Variants in EIF4G2 observed in about 807,000 individuals in gnomAD.
EIF4G2 encodes the protein DAP-5.
EIF4G2 carries 8 observed loss-of-function variants against 117.7 expected under a neutral mutation model. The observed-to-expected ratio is 0.07, with a 90% confidence interval of 0.04 to 0.12. The LOEUF is 0.12. Among genes scored for constraint, EIF4G2 ranks in the 10% least tolerant of loss-of-function variants. The pLI, the probability that EIF4G2 is intolerant of heterozygous loss-of-function variation, is 1.00. For synonymous variants in EIF4G2, 413 were observed against 367.8 expected, an observed-to-expected ratio of 1.12 and a Z score of -1.41; for missense variants, 812 against 1,086.2, an observed-to-expected ratio of 0.75 and a Z score of 3.55.
rs552839343 is a variant in EIF4G2, at chr11:10,803,440, G to C, written c.813+40C>G. On this transcript the variant is annotated intron_variant, in intron 9 of 21. Coordinates refer to ENST00000339995, the MANE Select transcript of EIF4G2 (RefSeq NM_001418.4). The surrounding 1 kb of genome is among the most constrained non-coding windows in gnomAD (Gnocchi z 4.0). ...ACAAAAATCAATAGCTTGATTTAAA[G>C]ACAAACTACTTGTACTACTTTCATC... 6.3e-7 allele frequency: 1 copy of C among 1,588,186 alleles called. No individual in the cohort carries two copies. Among genetic ancestry groups the C allele is most frequent in the South Asian group, 1.1e-5 (1 of 90,250 alleles).
Position 10,803,755 on chromosome 11 carries a change from C to T in EIF4G2, c.702+144G>A. On this transcript the variant is annotated intron_variant, in intron 8 of 21. Transcript: ENST00000339995. This position sits in a 1 kb window ranked among gnomAD's most constrained non-coding sequence, Gnocchi z 4.0. ...TCAGTTCTAACTCTACTTTGTCAAACACACCACGTATTTCAAATTATTCTG... is the reference window on the plus strand; with the variant it reads ...TCAGTTCTAACTCTACTTTGTCAAATACACCACGTATTTCAAATTATTCTG... The T allele has an allele frequency of 8.2e-7, 1 of 1,219,012 alleles. No individual in the cohort carries two copies. The highest frequency in any genetic ancestry group is 1.4e-5 in the South Asian group (1 of 69,720). 75.5% of individuals were successfully genotyped at this position (1,219,012 alleles called of 1,614,324 possible).
Position 10,805,889 on chromosome 11 carries a change from A to T in EIF4G2, c.248+18T>A, listed in dbSNP as rs1847553594. On this transcript the variant is annotated intron_variant, in intron 4 of 21. Transcript: ENST00000339995. ...TCCACACTTCCCATCTTTTAGTAAA[A>T]CAGACCTTGAAACTTACCCTCTTAC... is the stretch of plus-strand genomic sequence containing the variant. 1 of 1,614,072 alleles carries T rather than the reference A, an allele frequency of 6.2e-7. No individual in the cohort carries two copies. The highest frequency in any genetic ancestry group is 1.3e-5 in the African/African-American group (1 of 74,928).
At chr11:10,804,100 A>G (rs867803981) in intron 7 of EIF4G2, 37 bp downstream of exon 7, 1 of 1,612,936 alleles carries the variant, frequency 6.2e-7, no homozygotes, top group Middle Eastern at 1.7e-4. Flanking sequence ...TAAGCTGAAA[A>G]TATACAGTAG....
Position 10,797,702 on chromosome 11 carries a change from C to CT in EIF4G2, c.*113dup. ...GGAAATCCTAACTGACGTGCTTCTG[C>CT]TTTAAATATTGTGAAAACATTACAG... On this transcript the variant is annotated 3_prime_UTR_variant, in exon 22 of 22. Coordinates refer to ENST00000339995, the MANE Select transcript of EIF4G2 (RefSeq NM_001418.4). The surrounding 1 kb of genome is among the most constrained non-coding windows in gnomAD (Gnocchi z 4.5). The CT allele has an allele frequency of 8.7e-7, 1 of 1,146,176 alleles. No homozygotes were observed. The allele number at this position is 1,146,176 out of a possible 1,614,324, so 71.0% of individuals were successfully genotyped here.
In EIF4G2 at chr11:10,799,325, T is replaced by C. The variant is rs932129003; in HGVS notation, c.2424A>G (p.Leu808=). 1.2e-6 allele frequency: 2 copies of C among 1,613,934 alleles called. No homozygotes were observed. The highest frequency in any genetic ancestry group is 1.7e-6 in the Non-Finnish European group (2 of 1,179,996). Reference sequence around the variant, plus strand: ...GCATTACTGGCTTGAAAGATAGTAGTAGTTGTTTTTCCTGCTCTAACTGTT... The same window carrying C: ...GCATTACTGGCTTGAAAGATAGTAGCAGTTGTTTTTCCTGCTCTAACTGTT... Residue 808 remains leucine (L), a synonymous_variant, in exon 20 of 22, where the codon CTA becomes CTG. Transcript: ENST00000339995.
chr11:10,806,744 T>C, intron 3 of EIF4G2, 76 bp downstream of exon 3: 2 of 1,532,128 alleles, frequency 1.3e-6, no homozygotes, highest in Non-Finnish European at 1.8e-6. Context: ...GGCTATTGCC[T>C]TAATTATACC....
In EIF4G2 at chr11:10,803,361, CT is replaced by C; in HGVS notation, c.814-68del. ...ATGTGTTCAATTTACAGCTTTAAGACTTCTAAAATTATAACCCAGTTAATGG... is the reference window on the plus strand; with the variant it reads ...ATGTGTTCAATTTACAGCTTTAAGACTCTAAAATTATAACCCAGTTAATGG... On this transcript the variant is annotated intron_variant, in intron 9 of 21. Transcript: ENST00000339995. The surrounding 1 kb of genome is among the most constrained non-coding windows in gnomAD (Gnocchi z 4.0). The C allele has an allele frequency of 1.9e-6, 3 of 1,581,950 alleles. No homozygotes were observed. Among genetic ancestry groups the C allele is most frequent in the Non-Finnish European group, 2.6e-6 (3 of 1,156,112 alleles).
chr11:10,804,980 T>C lies in EIF4G2; in HGVS notation c.284A>G (p.Lys95Arg). Residue 95 changes from lysine to arginine, a missense_variant, in exon 5 of 22, where the codon AAG (lysine) becomes AGG (arginine). Around this residue, in one of 4 missense-constraint regions of EIF4G2, gnomAD observed 154 missense variants for 322.1 expected, o/e 0.48. Coordinates refer to ENST00000339995, the MANE Select transcript of EIF4G2 (RefSeq NM_001418.4). ...CACATTGAGGAGCTCAAGGCATAGC[T>C]TGTCAAACTTTTCAGGAGTAAGCTT... 6.2e-7 allele frequency: 1 copy of C among 1,614,130 alleles called. No individual in the cohort carries two copies.
Position 10,803,562 on chromosome 11 carries a change from A to G in EIF4G2, c.731T>C (p.Leu244Pro), listed in dbSNP as rs1172052175. The change falls in exon 9 of 22, where the codon CTC (leucine) becomes CCC (proline). Residue 244 changes from leucine (L) to proline (P), a missense_variant. Physicochemically the swap from Leu to Pro is moderately conservative, Grantham distance 98. Transcript: ENST00000339995. The surrounding 1 kb of genome is among the most constrained non-coding windows in gnomAD (Gnocchi z 4.0). The stretch of plus-strand genomic sequence containing the variant: ...CTCCAAATCCTCTCCCATATCTTTG[A>G]GTTGGACTCTCTTCTTCTTTTCCAA... 2.5e-6 allele frequency: 4 copies of G among 1,613,984 alleles called. No individual in the cohort carries two copies. Among genetic ancestry groups the G allele is most frequent in the Non-Finnish European group, 3.4e-6 (4 of 1,179,984 alleles).
At position 10,797,571 on chromosome 11, in the gene EIF4G2, T is replaced by C. The variant is rs557907156; in HGVS notation, c.*245A>G. ...CTCTGCTTGAGAACTTATGATGTAA[T>C]TATTGCATGCTGCTAATATACTATC... On this transcript the variant is annotated 3_prime_UTR_variant, in exon 22 of 22. Transcript: ENST00000339995. The surrounding 1 kb of genome is among the most constrained non-coding windows in gnomAD (Gnocchi z 4.5). The C allele has an allele frequency of 8.6e-6, 4 of 467,528 alleles. No individual in the cohort carries two copies. Among genetic ancestry groups the C allele is most frequent in the Non-Finnish European group, 1.5e-5 (4 of 261,982 alleles). 29.0% of individuals were successfully genotyped at this position (467,528 alleles called of 1,614,324 possible).
chr11:10,802,176 T>C lies in EIF4G2; in HGVS notation c.1172A>G (p.Gln391Arg), dbSNP rs1847441455. ...TCCCATGGTGGGTGAAAATCTATCCTGGATAACTCCTGGACCAGTACCAAT... is the reference window on the plus strand; with the variant it reads ...TCCCATGGTGGGTGAAAATCTATCCCGGATAACTCCTGGACCAGTACCAAT... The change falls in exon 13 of 22, where the codon CAG (glutamine) becomes CGG (arginine). Residue 391 changes from glutamine (Q) to arginine (R), a missense_variant. Physicochemically the swap from Gln to Arg is conservative, Grantham distance 43 (BLOSUM62 1). Transcript: ENST00000339995. 6.2e-7 allele frequency: 1 copy of C among 1,614,250 alleles called. No homozygotes were observed. The highest frequency in any genetic ancestry group is 1.3e-5 in the African/African-American group (1 of 75,072).
rs781219329 is a variant in EIF4G2 at position 10,799,110 on chromosome 11, A to G, written c.2540T>C (p.Met847Thr). ...GAAGTGCACAAAAAAGCGAAGTAAC[A>G]TGCCTTAAAAAAAAAAAAAAAAAGA... The change falls in exon 21 of 22, where the codon ATG becomes ACG. Residue 847 changes from methionine to threonine, a missense_variant. Physicochemically the swap from Met to Thr is moderately conservative, Grantham distance 81. Transcript: ENST00000339995. The G allele has an allele frequency of 3.9e-6, 6 of 1,521,844 alleles. No homozygotes were observed. Among genetic ancestry groups the G allele is most frequent in the African/African-American group, 1.6e-5 (1 of 61,942 alleles). The allele number at this position is 1,521,844 out of a possible 1,614,324, so 94.3% of individuals were successfully genotyped here. A position where few individuals can be genotyped will look rare whatever the true frequency, so the allele number is the denominator to read the frequency against.
At chr11:10,804,819 G>A (rs1193486022) in intron 5 of EIF4G2, 94 bp downstream of exon 5, 3 of 1,045,668 alleles carry the variant, frequency 2.9e-6, no homozygotes, top group Admixed American at 3.8e-5. Flanking sequence ...ACACCTAAGG[G>A]TTTTAAGTAG....
chr11:10,807,834 G>C (rs1020163505), intron 1 of EIF4G2: 24 of 984,922 alleles, frequency 2.4e-5, no homozygotes, highest in Non-Finnish European at 7.2e-6. Flanking sequence ...CCCGTGGAGA[G>C]CTCGTGGAAA....
rs1847293425 is a variant in EIF4G2, at chr11:10,797,589, A to G, written c.*227T>C. 7 of 538,636 alleles carry G rather than the reference A, an allele frequency of 1.3e-5. No individual in the cohort carries two copies. The highest frequency in any genetic ancestry group is 2.0e-5 in the Non-Finnish European group (6 of 302,988). 33.4% of individuals were successfully genotyped at this position (538,636 alleles called of 1,614,324 possible). A position where few individuals can be genotyped will look rare whatever the true frequency, so the allele number is the denominator to read the frequency against. On this transcript the variant is annotated 3_prime_UTR_variant, in exon 22 of 22. Transcript: ENST00000339995. The surrounding 1 kb of genome is among the most constrained non-coding windows in gnomAD (Gnocchi z 4.5). ...GATGTAATTATTGCATGCTGCTAAT[A>G]TACTATCTAAACATTAAAGATACTC...
At position 10,803,928 on chromosome 11, in the gene EIF4G2, C is replaced by G; in HGVS notation, c.673G>C (p.Glu225Gln). ...TTGATGCACTTATGAAGGATAGATT[C>G]GTGAATAAGATCAAGCTTGCCAAGC... Residue 225 changes from glutamate (E) to glutamine (Q), a missense_variant, in exon 8 of 22, where the codon GAA becomes CAA. Glu to Gln is a conservative substitution (Grantham distance 29, BLOSUM62 2). Transcript: ENST00000339995. This position sits in a 1 kb window ranked among gnomAD's most constrained non-coding sequence, Gnocchi z 4.0. 1 of 1,613,948 alleles carries G rather than the reference C, an allele frequency of 6.2e-7. No individual in the cohort carries two copies. The highest frequency in any genetic ancestry group is 8.5e-7 in the Non-Finnish European group (1 of 1,179,930).
At chr11:10,798,364 CCT>C (rs1334134311) in intron 21 of EIF4G2, among the ~76,000 whole-genome samples, 2 of 151,918 alleles carry the variant, frequency 1.3e-5, no homozygotes, top group Non-Finnish European at 2.9e-5. Flanking sequence ...AGAAACATCT[CCT>C]CTTTTTAGAA....
rs113072905 is a variant in EIF4G2, at chr11:10,799,196, G to A, written c.2536+17C>T. On this transcript the variant is annotated intron_variant, in intron 20 of 21. Coordinates refer to ENST00000339995, the MANE Select transcript of EIF4G2 (RefSeq NM_001418.4). ...AAGAACTTCCTCACGCCGTTCTTCT[G>A]ATACAAGTCCTCTCACCTTTTGGGA... is the stretch of plus-strand genomic sequence containing the variant. 330 of 1,612,976 alleles carry A rather than the reference G, an allele frequency of 2.0e-4. No individual in the cohort carries two copies. The African/African-American group carries it at 4.1e-3, about 20-fold the overall frequency.
rs372541323 is a variant in EIF4G2, at chr11:10,799,116, TAAAAA to T, written c.2537-8_2537-4del. ...CACAAAAAAGCGAAGTAACATGCCT[TAAAAA>T]AAAAAAAAAAAAGAAAAAAGTAATA... On this transcript the variant is annotated splice_polypyrimidine_tract_variant and splice_region_variant and intron_variant, in intron 20 of 21. Transcript: ENST00000339995. 2.2e-5 allele frequency: 33 copies of T among 1,469,194 alleles called. No individual in the cohort carries two copies. Among genetic ancestry groups the T allele is most frequent in the Admixed American group, 2.3e-5 (1 of 43,390 alleles). The allele number at this position is 1,469,194 out of a possible 1,614,324, so 91.0% of individuals were successfully genotyped here.
Sources: gnomAD v4.1 joint callset for allele counts (sites outside exome capture counted in the v4.1 genomes callset) on GRCh38, gnomAD v4.1.1 for gene constraint, gnomAD v4.1.1 regional missense constraint, Gnocchi (gnomAD v3.1) non-coding constraint, MANE v1.5 for transcripts, NCBI Gene and HGNC (gene_info 2026-07-23, HGNC 2026-07-21) for gene names.